Variants in CRYBG3 observed in about 807,000 individuals in gnomAD.
The protein encoded by CRYBG3 is very large A-kinase anchor protein.
A neutral mutation model predicts 244.2 loss-of-function variants in CRYBG3; 127 were observed. The ratio of observed to expected loss-of-function variants is 0.52; its 90% CI spans 0.45 to 0.60. The LOEUF is 0.60. Among genes scored for constraint, CRYBG3 ranks in the 20% least tolerant of loss-of-function variants. The probability of loss-of-function intolerance (pLI) is 0.00; values close to 1 mark genes in which losing one functional copy is unlikely to be tolerated. For synonymous variants in CRYBG3, 1,132 were observed against 1,195.8 expected, an observed-to-expected ratio of 0.95 and a Z score of 1.10; for missense variants, 3,325 against 3,442.5, an observed-to-expected ratio of 0.97 and a Z score of 0.85.
chr3:97,908,895 C>T (rs1366470842), intron 15 of CRYBG3, among the ~76,000 whole-genome samples: 1 of 152,112 alleles, frequency 6.6e-6, no homozygotes, highest in Non-Finnish European at 1.5e-5. Context: ...CTGGTTGTTC[C>T]TTTCCATGTT....
intron 3 of CRYBG3, among the ~76,000 whole-genome samples, chr3:97,867,944 C>G (rs942784191): frequency 6.6e-6 from 1 of 152,036 alleles, no homozygotes; most frequent in Non-Finnish European, 1.5e-5. Context: ...TTTCTATTTA[C>G]TAGGGAAAAA....
intron 1 of CRYBG3, among the ~76,000 whole-genome samples, chr3:97,822,651 A>G (rs531413606): frequency 6.6e-6 from 1 of 152,192 alleles, no homozygotes; most frequent in African/African-American, 2.4e-5. Flanking sequence ...CCCTGCCCGG[A>G]CGTGATTGGG....
At chr3:97,879,228 A>C (rs1248202684) in intron 4 of CRYBG3, among the ~76,000 whole-genome samples, 2 of 152,062 alleles carry the variant, frequency 1.3e-5, no homozygotes, top group Admixed American at 6.6e-5. Context: ...CTACCAGTAC[A>C]CTTTTCCCCA....
chr3:97,849,309 G>T (rs894206998), intron 2 of CRYBG3, among the ~76,000 whole-genome samples: 1 of 152,086 alleles, frequency 6.6e-6, no homozygotes, highest in Non-Finnish European at 1.5e-5. Flanking sequence ...ATTTATTCTG[G>T]GTGAATAGTA....
At chr3:97,854,585 C>G (rs2039038214) in intron 2 of CRYBG3, among the ~76,000 whole-genome samples, 1 of 143,994 alleles carries the variant, frequency 6.9e-6, no homozygotes, top group Non-Finnish European at 1.5e-5. Flanking sequence ...AGGTATACTC[C>G]TAAGTATTTT....
chr3:97,905,430 G>C (rs1175975163), intron 15 of CRYBG3, among the ~76,000 whole-genome samples: 2 of 151,382 alleles, frequency 1.3e-5, no homozygotes, highest in African/African-American at 4.8e-5. Flanking sequence ...TTTAATGATT[G>C]CCATTCTAAC....
rs148497390 is a variant in CRYBG3 at position 97,933,993 on chromosome 3, T to C, written c.8381+160T>C. 2.1e-3 allele frequency among the ~76,000 whole-genome samples: 326 copies of C among 152,222 alleles called. 1 individual carries two copies. The highest frequency in any genetic ancestry group is 7.3e-3 in the African/African-American group (304 of 41,564). On this transcript the variant is annotated intron_variant, in intron 18 of 21. Coordinates refer to ENST00000389622, the MANE Select transcript of CRYBG3 (RefSeq NM_153605.4). The stretch of plus-strand genomic sequence containing the variant: ...TACCATATGGTCACAGCATGTGTCA[T>C]AGAGTAGGTCAATCAAATGACTTTA...
At chr3:97,922,058 A>C (rs1377360337) in intron 17 of CRYBG3, among the ~76,000 whole-genome samples, 1 of 152,196 alleles carries the variant, frequency 6.6e-6, no homozygotes, top group Admixed American at 6.5e-5. Context: ...AAGAGTTGGC[A>C]AGACAATGAT....
chr3:97,827,085 CT>C (rs2038587828), intron 1 of CRYBG3, among the ~76,000 whole-genome samples: 1 of 152,240 alleles, frequency 6.6e-6, no homozygotes, highest in Non-Finnish European at 1.5e-5. Flanking sequence ...GTTCCTCTTG[CT>C]TTCCTCCTTG....
intron 1 of CRYBG3, among the ~76,000 whole-genome samples, chr3:97,828,023 A>G (rs992785428): frequency 7.9e-5 from 12 of 152,322 alleles, no homozygotes; most frequent in South Asian, 6.2e-4. Flanking sequence ...GAGTTGGGAG[A>G]GGAAAATAAA....
chr3:97,885,446 A>G (rs543743611), intron 7 of CRYBG3, among the ~76,000 whole-genome samples: 67 of 152,274 alleles, frequency 4.4e-4, no homozygotes, highest in African/African-American at 1.3e-3. Context: ...AATTACTAAA[A>G]CTTGAGTTGT....
At chr3:97,917,969 A>C (rs1259339930) in intron 17 of CRYBG3, among the ~76,000 whole-genome samples, 1 of 152,084 alleles carries the variant, frequency 6.6e-6, no homozygotes, top group East Asian at 1.9e-4. Flanking sequence ...TCTCCCCACT[A>C]TCTTCGTAGT....
In CRYBG3 at chr3:97,936,785, A is replaced by G. The variant is rs373961505; in HGVS notation, c.8382A>G (p.Leu2794=). The stretch of plus-strand genomic sequence containing the variant: ...ACTTTTTTCTTTCTTGTTCTCATAG[A>G]TGGATAGCTTATGAAGGATCCAATT... The part of the protein sequence containing the change: ...YTQSVWVKSG[L]WIAYEGSNFL... The change falls in exon 19 of 22, where the codon CTA becomes CTG. Residue 2794 remains leucine, a splice_region_variant and synonymous_variant. Coordinates refer to ENST00000389622, the MANE Select transcript of CRYBG3 (RefSeq NM_153605.4). 1.4e-5 allele frequency: 22 copies of G among 1,611,768 alleles called. 1 individual carries two copies. In the African/African-American group the frequency reaches 2.4e-4, roughly 18 times the overall value.
intron 2 of CRYBG3, among the ~76,000 whole-genome samples, chr3:97,857,387 A>G (rs1240125131): frequency 6.6e-6 from 1 of 151,182 alleles, no homozygotes; most frequent in African/African-American, 2.4e-5. Flanking sequence ...TGTTAGGTCT[A>G]TAGTGAAATT....
chr3:97,830,634 A>G (rs1016759636), intron 1 of CRYBG3, among the ~76,000 whole-genome samples: 2 of 152,204 alleles, frequency 1.3e-5, no homozygotes, highest in African/African-American at 4.8e-5. Flanking sequence ...AGATTTCTGA[A>G]GACATTTCTC....
At position 97,872,921 on chromosome 3, in the gene CRYBG3, A is replaced by T. The variant is rs531199833; in HGVS notation, c.1727A>T (p.Asp576Val). 2.6e-6 allele frequency: 4 copies of T among 1,529,998 alleles called. No homozygotes were observed. The highest frequency in any genetic ancestry group is 2.6e-6 in the Non-Finnish European group (3 of 1,145,410). The allele number at this position is 1,529,998 out of a possible 1,614,324, so 94.8% of individuals were successfully genotyped here. A position where few individuals can be genotyped will look rare whatever the true frequency, so the allele number is the denominator to read the frequency against. ...KAKKLDFRSH[D>V]KIPHIRMNKK... is the part of the protein sequence containing the mutation. ...AAAAAGCTTGATTTTAGGTCACATGATAAAATTCCTCATATTAGAATGAAT... is the reference window on the plus strand; with the variant it reads ...AAAAAGCTTGATTTTAGGTCACATGTTAAAATTCCTCATATTAGAATGAAT... Residue 576 changes from aspartate to valine, a missense_variant, in exon 4 of 22, where the codon GAT (aspartate) becomes GTT (valine). By Grantham distance (152) the Asp-to-Val change is radical. This residue lies in a region of CRYBG3 where 1,526 missense variants were observed against 1,443.2 expected (regional missense o/e 1.06). Transcript: ENST00000389622.
At chr3:97,886,946 G>A (rs2039515300) in intron 8 of CRYBG3, among the ~76,000 whole-genome samples, 179 bp downstream of exon 8, 1 of 152,168 alleles carries the variant, frequency 6.6e-6, no homozygotes, top group South Asian at 2.1e-4. Context: ...TGACTCACAG[G>A]AGCAGGTATA....
intron 14 of CRYBG3, 115 bp from the exon 15 acceptor site, chr3:97,900,338 A>T: frequency 1.6e-6 from 1 of 638,560 alleles, no homozygotes; most frequent in Non-Finnish European, 2.8e-6. Flanking sequence ...ACAGAGGAAT[A>T]CTCTGTCTCA....
rs150140136 is a variant in CRYBG3 at position 97,913,962 on chromosome 3, A to G, written c.8115-1648A>G. 5.9e-5 allele frequency among the ~76,000 whole-genome samples: 9 copies of G among 152,050 alleles called. 1 individual carries two copies. Among genetic ancestry groups the G allele is most frequent in the African/African-American group, 2.2e-4 (9 of 41,476 alleles). ...CCAATTTTTTTCCACCTGGTACACT[A>G]CTCATCTGCATTACCTGTGTGGTCT... On this transcript the variant is annotated intron_variant, in intron 16 of 21. Transcript: ENST00000389622.
Sources: allele counts gnomAD v4.1 joint callset (sites outside exome capture counted in the v4.1 genomes callset), GRCh38; gene constraint gnomAD v4.1.1; regional missense constraint gnomAD v4.1.1; transcripts MANE v1.5; gene names NCBI Gene and HGNC (gene_info 2026-07-23, HGNC 2026-07-21).